Variants in RYR3 observed in about 807,000 individuals in gnomAD.
The protein encoded by RYR3 is ryanodine receptor 3, also known as brain ryanodine receptor-calcium release channel.
In RYR3, 207 loss-of-function variants were observed where a neutral mutation model predicts 584.3. The observed-to-expected ratio is 0.35, with a 90% confidence interval of 0.32 to 0.40. The LOEUF is 0.40. RYR3 is among the 10% of genes least tolerant of loss of function. The pLI, the probability that RYR3 is intolerant of heterozygous loss-of-function variation, is 1.00. For missense variants in RYR3, 5,616 were observed against 6,089.2 expected, an observed-to-expected ratio of 0.92 and a Z score of 2.59; for synonymous variants, 2,416 against 2,248.5, an observed-to-expected ratio of 1.07 and a Z score of -2.11.
At chr15:33,674,950 C>T (rs1284175712) in intron 38 of RYR3, among the ~76,000 whole-genome samples, 1 of 149,744 alleles carries the variant, frequency 6.7e-6, no homozygotes, top group African/African-American at 2.5e-5. Flanking sequence ...GAATATAGAA[C>T]ATCTTGAAAA....
intron 1 of RYR3, among the ~76,000 whole-genome samples, chr15:33,339,398 T>C (rs1971531337): frequency 6.6e-6 from 1 of 152,148 alleles, no homozygotes; most frequent in Non-Finnish European, 1.5e-5. Context: ...GACTTTAAGT[T>C]TAGTCCAGGC....
chr15:33,683,683 C>T (rs980084748), intron 38 of RYR3, among the ~76,000 whole-genome samples: 1 of 152,236 alleles, frequency 6.6e-6, no homozygotes, highest in Non-Finnish European at 1.5e-5. Context: ...GGTGGGGCAT[C>T]ACCTCACCCA....
chr15:33,729,122 T>A, intron 47 of RYR3, 96 bp downstream of exon 47: 1 of 953,652 alleles, frequency 1.0e-6, no homozygotes, highest in Non-Finnish European at 1.6e-6. Context: ...ACTCACCAAT[T>A]ACATTTTAAT....
At chr15:33,409,254 T>A (rs574463610) in intron 1 of RYR3, among the ~76,000 whole-genome samples, 3 of 151,794 alleles carry the variant, frequency 2.0e-5, no homozygotes, top group African/African-American at 7.3e-5. Context: ...TACATATGTA[T>A]ACATGTGCCA....
intron 12 of RYR3, among the ~76,000 whole-genome samples, chr15:33,568,370 G>A (rs1218405546): frequency 6.6e-6 from 1 of 152,184 alleles, no homozygotes; most frequent in East Asian, 1.9e-4. Flanking sequence ...GGAGTTATGT[G>A]CCTGACAATG....
chr15:33,504,949 C>G (rs1425032686), intron 3 of RYR3, among the ~76,000 whole-genome samples: 2 of 152,252 alleles, frequency 1.3e-5, no homozygotes, highest in African/African-American at 4.8e-5. Flanking sequence ...GCTGACCCCA[C>G]AAGTCTGTTG....
At chr15:33,513,954 G>C (rs2053263390) in intron 3 of RYR3, among the ~76,000 whole-genome samples, 1 of 152,148 alleles carries the variant, frequency 6.6e-6, no homozygotes, top group Non-Finnish European at 1.5e-5. Context: ...AATTGTACTT[G>C]TTCTTGAACT....
chr15:33,439,147 T>C (rs1404365605), intron 1 of RYR3, among the ~76,000 whole-genome samples: 2 of 152,210 alleles, frequency 1.3e-5, no homozygotes, highest in Non-Finnish European at 2.9e-5. Flanking sequence ...TGCTGAGATA[T>C]AGAAATGCTT....
intron 19 of RYR3, among the ~76,000 whole-genome samples, chr15:33,619,292 A>G (rs1217545176): frequency 1.3e-5 from 2 of 152,206 alleles, no homozygotes; most frequent in Admixed American, 6.5e-5. Flanking sequence ...ATAAAGAGGA[A>G]CTAATTGTAA....
chr15:33,700,435 T>C (rs750981810), intron 41 of RYR3, among the ~76,000 whole-genome samples: 39 of 152,366 alleles, frequency 2.6e-4, no homozygotes, highest in Non-Finnish European at 5.0e-4. Context: ...TACTTGCACT[T>C]GAAAACTGAA....
chr15:33,848,551 C>T (rs1042837308), intron 94 of RYR3, 130 bp downstream of exon 94: 3 of 1,039,532 alleles, frequency 2.9e-6, no homozygotes, highest in African/African-American at 1.6e-5. Flanking sequence ...TTCTCCCTTG[C>T]CTCTTCAATA....
At chr15:33,431,284 G>A (rs1257587642) in intron 1 of RYR3, among the ~76,000 whole-genome samples, 1 of 152,154 alleles carries the variant, frequency 6.6e-6, no homozygotes, top group African/African-American at 2.4e-5. Flanking sequence ...AGTTAGATCT[G>A]TATCCAGCTC....
At chr15:33,857,275 G>C (rs2153006761) in intron 98 of RYR3, among the ~76,000 whole-genome samples, 1 of 151,280 alleles carries the variant, frequency 6.6e-6, no homozygotes, top group Middle Eastern at 3.4e-3. Flanking sequence ...CTCCTCAGGG[G>C]CCTCTCTGTG....
intron 100 of RYR3, 88 bp from the exon 101 acceptor site, chr15:33,860,507 T>A: frequency 2.7e-6 from 2 of 730,504 alleles, no homozygotes; most frequent in Non-Finnish European, 4.3e-6. Flanking sequence ...TTTTTTTTTT[T>A]AACAGAACAA....
chr15:33,549,865 C>A (rs2056543201), intron 9 of RYR3, among the ~76,000 whole-genome samples: 1 of 152,148 alleles, frequency 6.6e-6, no homozygotes, highest in African/African-American at 2.4e-5. Flanking sequence ...TTATTTGCAT[C>A]AAGAACTTTC....
rs1392575787 is a variant in RYR3, at chr15:33,367,883, A to G, written c.51+56787A>G. Among the ~76,000 whole-genome samples, 3 of 152,220 alleles carry G rather than the reference A, an allele frequency of 2.0e-5. No individual in the cohort carries two copies. The East Asian group carries it at 5.8e-4, about 29-fold the overall frequency. The stretch of plus-strand genomic sequence containing the variant: ...ATTTTGCAGATATGAAAATTAAGTT[A>G]TTGCAGAGATAACTTACTTACATAA... On this transcript the variant is annotated intron_variant, in intron 1 of 103. Transcript: ENST00000634891.
At chr15:33,417,567 G>T (rs1392911538) in intron 1 of RYR3, among the ~76,000 whole-genome samples, 3 of 152,032 alleles carry the variant, frequency 2.0e-5, no homozygotes, top group African/African-American at 7.2e-5. Context: ...AAGTTATCAG[G>T]TCTAGGAGTC....
intron 60 of RYR3, among the ~76,000 whole-genome samples, chr15:33,760,598 A>G (rs2072332540): frequency 6.6e-6 from 1 of 152,228 alleles, no homozygotes; most frequent in African/African-American, 2.4e-5. Context: ...ACCCAGACTC[A>G]TAAAGCAAGT....
In RYR3 at chr15:33,794,309, T is replaced by TTA. The variant is rs1207598282; in HGVS notation, c.9830+5863_9830+5864dup. 1.3e-4 allele frequency among the ~76,000 whole-genome samples: 13 copies of TTA among 97,938 alleles called. 1 individual carries two copies. Among genetic ancestry groups the TTA allele is most frequent in the Non-Finnish European group, 2.2e-4 (10 of 45,370 alleles). The allele number at this position is 97,938 out of a possible 152,430, so 64.3% of individuals were successfully genotyped here. ...GAAAAGATTTTTTATATATATATTTTTATATATATATATTTTTATATATGT... is the reference window on the plus strand; with the variant it reads ...GAAAAGATTTTTTATATATATATTTTTATATATATATATATTTTTATATATGT... On this transcript the variant is annotated intron_variant, in intron 67 of 103. Transcript: ENST00000634891.
Sources: allele counts gnomAD v4.1 joint callset (sites outside exome capture counted in the v4.1 genomes callset), GRCh38; gene constraint gnomAD v4.1.1; transcripts MANE v1.5; gene names NCBI Gene and HGNC (gene_info 2026-07-23, HGNC 2026-07-21).